DIAPH3: variants seen among roughly 807,000 people sequenced by gnomAD.
The protein encoded by DIAPH3 is diaphanous related formin 3.
In DIAPH3, 117 loss-of-function variants were observed where a neutral mutation model predicts 144.3. That is an observed-to-expected ratio of 0.81 (90% CI 0.70 to 0.95). The LOEUF is 0.95. Among genes scored for constraint, DIAPH3 ranks in the 40% least tolerant of loss-of-function variants. The pLI, the probability that DIAPH3 is intolerant of heterozygous loss-of-function variation, is 0.00. For missense variants in DIAPH3, 1,421 were observed against 1,412.7 expected, an observed-to-expected ratio of 1.01 and a Z score of -0.09; for synonymous variants, 519 against 488.9, an observed-to-expected ratio of 1.06 and a Z score of -0.81.
chr13:60,082,236 G>A (rs1417549418), intron 4 of DIAPH3, among the ~76,000 whole-genome samples: 1 of 150,854 alleles, frequency 6.6e-6, no homozygotes, highest in Non-Finnish European at 1.5e-5. Context: ...ATGCAGACAT[G>A]AAAAAAATAA....
intron 16 of DIAPH3, 46 bp from the exon 17 acceptor site, chr13:59,970,104 C>T: frequency 8.5e-7 from 1 of 1,179,572 alleles, no homozygotes. Context: ...GAGTGTTTCA[C>T]CTGTCCCAAG....
At chr13:59,912,898 C>T (rs2047059584) in intron 19 of DIAPH3, among the ~76,000 whole-genome samples, 2 of 151,830 alleles carry the variant, frequency 1.3e-5, no homozygotes, top group African/African-American at 2.4e-5. Context: ...TACCTTTGGA[C>T]AAAAACTTGG....
At chr13:60,035,372 T>C (rs1327480797) in intron 5 of DIAPH3, among the ~76,000 whole-genome samples, 1 of 152,178 alleles carries the variant, frequency 6.6e-6, no homozygotes, top group African/African-American at 2.4e-5. Context: ...AATGACGGTA[T>C]ACAAAAGAAG....
chr13:60,008,092 A>G (rs1237790510), intron 9 of DIAPH3, among the ~76,000 whole-genome samples: 1 of 152,122 alleles, frequency 6.6e-6, no homozygotes, highest in African/African-American at 2.4e-5. Context: ...TAGGAATTCT[A>G]TATTCTAAAA....
intron 21 of DIAPH3, 94 bp from the exon 22 acceptor site, chr13:59,861,630 G>A: frequency 7.5e-7 from 1 of 1,338,058 alleles, no homozygotes; most frequent in Non-Finnish European, 1.0e-6. Context: ...TTGTAGATAA[G>A]GACTAAAAGT....
chr13:59,899,728 T>G (rs2046328177), intron 20 of DIAPH3, among the ~76,000 whole-genome samples: 1 of 152,248 alleles, frequency 6.6e-6, no homozygotes, highest in African/African-American at 2.4e-5. Flanking sequence ...GAATAGACTG[T>G]GTTAAATATA....
At chr13:59,974,200 A>G in intron 15 of DIAPH3, 152 bp downstream of exon 15, 1 of 655,094 alleles carries the variant, frequency 1.5e-6, no homozygotes. Flanking sequence ...GAAAAAAATG[A>G]CAAAAAAATA....
At chr13:60,024,236 C>T (rs1490771370) in intron 5 of DIAPH3, among the ~76,000 whole-genome samples, 2 of 152,120 alleles carry the variant, frequency 1.3e-5, no homozygotes, top group African/African-American at 4.8e-5. Flanking sequence ...AATGTTAGAT[C>T]TTTGGTTATA....
intron 5 of DIAPH3, among the ~76,000 whole-genome samples, chr13:60,032,746 G>A (rs2054898727): frequency 6.6e-6 from 1 of 152,224 alleles, no homozygotes; most frequent in African/African-American, 2.4e-5. Context: ...CATCGTCTTA[G>A]ACATTAACTC....
At chr13:59,793,628 C>T (rs542683195) in intron 25 of DIAPH3, among the ~76,000 whole-genome samples, 3 of 152,158 alleles carry the variant, frequency 2.0e-5, no homozygotes, top group Non-Finnish European at 4.4e-5. Flanking sequence ...TCAAGGTCCT[C>T]TTCTGGGATC....
intron 25 of DIAPH3, among the ~76,000 whole-genome samples, chr13:59,776,531 T>G (rs2038422051): frequency 1.3e-5 from 2 of 152,020 alleles, no homozygotes; most frequent in African/African-American, 4.8e-5. Context: ...AATTACAATT[T>G]TAAATCTTTT....
intron 20 of DIAPH3, among the ~76,000 whole-genome samples, chr13:59,880,269 G>C (rs961834970): frequency 1.3e-5 from 2 of 152,106 alleles, no homozygotes; most frequent in African/African-American, 4.8e-5. Flanking sequence ...GTAGGCTGAA[G>C]ACATACCACA....
intron 1 of DIAPH3, among the ~76,000 whole-genome samples, chr13:60,142,397 AAT>A (rs2059443006): frequency 6.6e-6 from 1 of 152,202 alleles, no homozygotes; most frequent in African/African-American, 2.4e-5. Flanking sequence ...AAACTCAGTT[AAT>A]TCTATCAATT....
At chr13:59,991,931 A>G (rs958418592) in intron 11 of DIAPH3, 137 bp downstream of exon 11, 2 of 715,746 alleles carry the variant, frequency 2.8e-6, no homozygotes, top group African/African-American at 1.8e-5. Flanking sequence ...TTAATAAAAT[A>G]ATAACATTCT....
intron 27 of DIAPH3, among the ~76,000 whole-genome samples, chr13:59,676,035 ACTT>A (rs758773208): frequency 1.3e-5 from 2 of 152,176 alleles, no homozygotes; most frequent in African/African-American, 4.8e-5. Flanking sequence ...TATTTCTTAT[ACTT>A]CTTCAACATT....
chr13:60,077,418 C>T (rs1594599444), intron 4 of DIAPH3, among the ~76,000 whole-genome samples: 1 of 151,932 alleles, frequency 6.6e-6, no homozygotes, highest in Non-Finnish European at 1.5e-5. Flanking sequence ...TAAGGAAAAT[C>T]AAAATATGAG....
At chr13:59,760,259 A>T (rs1270110458) in intron 27 of DIAPH3, among the ~76,000 whole-genome samples, 2 of 152,192 alleles carry the variant, frequency 1.3e-5, no homozygotes, top group Non-Finnish European at 2.9e-5. Flanking sequence ...CCTTTCGTAC[A>T]TGGGGAAAAC....
intron 27 of DIAPH3, among the ~76,000 whole-genome samples, chr13:59,759,520 T>G (rs1380230920): frequency 6.6e-6 from 1 of 152,142 alleles, no homozygotes; most frequent in Non-Finnish European, 1.5e-5. Context: ...CATTTCTTTC[T>G]CATCCTCAGC....
intron 21 of DIAPH3, among the ~76,000 whole-genome samples, chr13:59,861,869 C>T (rs778084280): frequency 2.6e-5 from 4 of 152,186 alleles, no homozygotes; most frequent in Non-Finnish European, 5.9e-5. Context: ...ATCCATTTAT[C>T]ACTTGGCACA....
Sources: allele counts gnomAD v4.1 joint callset (sites outside exome capture counted in the v4.1 genomes callset), GRCh38; gene constraint gnomAD v4.1.1; transcripts MANE v1.5; gene names NCBI Gene and HGNC (gene_info 2026-07-23, HGNC 2026-07-21).